The following DYNC1I1 variants were observed in gnomAD, a reference collection of about 807,000 sequenced individuals.
DYNC1I1 encodes dynein cytoplasmic 1 intermediate chain 1, also known as cytoplasmic dynein 1 intermediate chain 1.
In DYNC1I1, 43 loss-of-function variants were observed where a neutral mutation model predicts 86.6. That is an observed-to-expected ratio of 0.50 (90% CI 0.39 to 0.64). The LOEUF (loss-of-function observed/expected upper bound fraction) is 0.64, where lower values mean the gene tolerates loss of function less well. Among genes scored for constraint, DYNC1I1 ranks in the 30% least tolerant of loss-of-function variants. The probability of loss-of-function intolerance (pLI) is 0.00; values close to 1 mark genes in which losing one functional copy is unlikely to be tolerated. For missense variants in DYNC1I1, 604 were observed against 788.8 expected (o/e 0.77, Z 2.81); for synonymous variants, 262 against 283.7 (o/e 0.92, Z 0.77).
At chr7:95,788,281 G>A (rs1461013178) in intron 1 of DYNC1I1, among the ~76,000 whole-genome samples, 1 of 152,216 alleles carries the variant, frequency 6.6e-6, no homozygotes, top group Non-Finnish European at 1.5e-5. Context: ...CTTTGACAGG[G>A]TGATAGCAGG....
intron 6 of DYNC1I1, among the ~76,000 whole-genome samples, chr7:95,961,048 A>T (rs1195845606): frequency 6.6e-6 from 1 of 152,244 alleles, no homozygotes; most frequent in Non-Finnish European, 1.5e-5. Context: ...ATGCAAACAG[A>T]AAAATTTGGA....
At chr7:95,778,125 T>A (rs1271640814) in intron 1 of DYNC1I1, among the ~76,000 whole-genome samples, 1 of 152,224 alleles carries the variant, frequency 6.6e-6, no homozygotes, top group Admixed American at 6.5e-5. Context: ...AGCACCACAG[T>A]AAAATTTGGG....
chr7:95,965,136 CTATAA>C (rs897360930), intron 6 of DYNC1I1, among the ~76,000 whole-genome samples: 1 of 152,146 alleles, frequency 6.6e-6, no homozygotes, highest in African/African-American at 2.4e-5. Flanking sequence ...CATGTTGAAA[CTATAA>C]TAGACAACTG....
intron 11 of DYNC1I1, among the ~76,000 whole-genome samples, chr7:96,030,681 A>G (rs1251061451): frequency 1.3e-5 from 2 of 152,150 alleles, no homozygotes; most frequent in Non-Finnish European, 2.9e-5. Flanking sequence ...GGTTCATAAC[A>G]GTATTTGGAC....
At chr7:96,033,166 A>G (rs1480311144) in intron 12 of DYNC1I1, among the ~76,000 whole-genome samples, 2 of 152,192 alleles carry the variant, frequency 1.3e-5, no homozygotes, top group African/African-American at 4.8e-5. Context: ...AGGGAAGGTA[A>G]CCCAGCAAAA....
At chr7:96,042,502 C>T (rs1009120654) in intron 14 of DYNC1I1, among the ~76,000 whole-genome samples, 4 of 152,138 alleles carry the variant, frequency 2.6e-5, no homozygotes, top group African/African-American at 9.6e-5. Flanking sequence ...ATTCTAAGCG[C>T]GGAGCAGGAA....
intron 7 of DYNC1I1, among the ~76,000 whole-genome samples, chr7:95,981,789 A>T (rs1793465883): frequency 6.6e-6 from 1 of 152,140 alleles, no homozygotes; most frequent in South Asian, 2.1e-4. Flanking sequence ...ATCCATGCCC[A>T]CATTTTGTTT....
chr7:96,095,352 A>G (rs953608274), intron 16 of DYNC1I1, among the ~76,000 whole-genome samples: 3 of 152,148 alleles, frequency 2.0e-5, no homozygotes, highest in Non-Finnish European at 4.4e-5. Flanking sequence ...ACATTTACCT[A>G]TTTTATTGTT....
At chr7:95,816,405 A>G (rs2115860448) in intron 4 of DYNC1I1, among the ~76,000 whole-genome samples, 1 of 152,332 alleles carries the variant, frequency 6.6e-6, no homozygotes, top group African/African-American at 2.4e-5. Flanking sequence ...CAGTTATACT[A>G]ATGATTTAAT....
chr7:95,853,922 C>T (rs1228836188), intron 5 of DYNC1I1, among the ~76,000 whole-genome samples: 4 of 152,074 alleles, frequency 2.6e-5, no homozygotes, highest in South Asian at 2.1e-4. Flanking sequence ...TCTCTTTTTA[C>T]GTTTTGACTT....
At chr7:96,051,210 A>G (rs943199663) in intron 14 of DYNC1I1, among the ~76,000 whole-genome samples, 1 of 152,060 alleles carries the variant, frequency 6.6e-6, no homozygotes, top group Non-Finnish European at 1.5e-5. Context: ...TTTTGGGTTA[A>G]TATTTATTTT....
At chr7:95,782,578 G>T (rs1003582956) in intron 1 of DYNC1I1, among the ~76,000 whole-genome samples, 1 of 152,214 alleles carries the variant, frequency 6.6e-6, no homozygotes, top group South Asian at 2.1e-4. Flanking sequence ...TGGTAGCATC[G>T]AGGGATGCAT....
intron 6 of DYNC1I1, among the ~76,000 whole-genome samples, chr7:95,896,734 T>C (rs918332258): frequency 7.2e-5 from 11 of 152,202 alleles, no homozygotes; most frequent in African/African-American, 2.7e-4. Flanking sequence ...GTTGTGGGAA[T>C]TACAAATGAC....
chr7:95,935,574 A>T (rs1792017363), intron 6 of DYNC1I1, among the ~76,000 whole-genome samples: 1 of 152,076 alleles, frequency 6.6e-6, no homozygotes. Context: ...AGAGACTGCA[A>T]CATTTTGCAT....
intron 6 of DYNC1I1, among the ~76,000 whole-genome samples, chr7:95,906,646 A>G (rs1208168641): frequency 6.6e-6 from 1 of 152,082 alleles, no homozygotes; most frequent in East Asian, 1.9e-4. Flanking sequence ...TGTTATTCAA[A>G]AAACAGACCT....
intron 5 of DYNC1I1, among the ~76,000 whole-genome samples, chr7:95,849,428 T>C (rs1789519690): frequency 6.6e-6 from 1 of 152,214 alleles, no homozygotes; most frequent in Admixed American, 6.5e-5. Flanking sequence ...TTTATTCTTC[T>C]GCATGTGGAT....
intron 4 of DYNC1I1, among the ~76,000 whole-genome samples, chr7:95,821,097 C>A (rs1364235100): frequency 5.9e-5 from 9 of 152,116 alleles, no homozygotes; most frequent in Admixed American, 5.9e-4. Context: ...AATCAACTTG[C>A]CCTCACACGT....
intron 6 of DYNC1I1, among the ~76,000 whole-genome samples, chr7:95,947,344 C>G (rs1046011611): frequency 6.6e-6 from 1 of 152,064 alleles, no homozygotes; most frequent in Admixed American, 6.6e-5. Flanking sequence ...CAGCAATGTG[C>G]CTTTTGAACA....
chr7:95,871,525 C>T (rs890836386), intron 6 of DYNC1I1, among the ~76,000 whole-genome samples: 1 of 152,146 alleles, frequency 6.6e-6, no homozygotes, highest in African/African-American at 2.4e-5. Context: ...ATTTGCAGAG[C>T]TGTAGCTGGA....
Sources: gnomAD v4.1 joint callset for allele counts (sites outside exome capture counted in the v4.1 genomes callset) on GRCh38, gnomAD v4.1.1 for gene constraint, MANE v1.5 for transcripts, NCBI Gene and HGNC (gene_info 2026-07-23, HGNC 2026-07-21) for gene names.